Variants in ARID5B observed in about 807,000 individuals in gnomAD.
The protein encoded by ARID5B is AT-rich interactive domain-containing protein 5B.
ARID5B carries 13 observed loss-of-function variants against 97.2 expected under a neutral mutation model. That is an observed-to-expected ratio of 0.13 (90% CI 0.09 to 0.21). The LOEUF is 0.21. Ranked by LOEUF, ARID5B falls within the 10% of genes least tolerant of loss-of-function variation. The pLI, the probability that ARID5B is intolerant of heterozygous loss-of-function variation, is 1.00. For synonymous variants in ARID5B, 556 were observed against 570.3 expected, an observed-to-expected ratio of 0.97 and a Z score of 0.36; for missense variants, 1,210 against 1,465.3, an observed-to-expected ratio of 0.83 and a Z score of 2.84.
chr10:61,973,983 T>C (rs980557162), intron 3 of ARID5B, among the ~76,000 whole-genome samples: 3 of 152,222 alleles, frequency 2.0e-5, no homozygotes, highest in Non-Finnish European at 2.9e-5. Flanking sequence ...ACTTTTGCGA[T>C]GTATATACTG....
chr10:62,049,685 C>G (rs1329330394), intron 4 of ARID5B, among the ~76,000 whole-genome samples: 2 of 152,132 alleles, frequency 1.3e-5, no homozygotes, highest in Non-Finnish European at 2.9e-5. Flanking sequence ...TTCTGCTTTA[C>G]TGAGCTTCCA....
chr10:62,012,039 G>A (rs1486778345), intron 4 of ARID5B, among the ~76,000 whole-genome samples: 2 of 152,000 alleles, frequency 1.3e-5, no homozygotes, highest in Non-Finnish European at 2.9e-5. Flanking sequence ...CAGCTTATAT[G>A]TTTTTCAAAA....
intron 3 of ARID5B, among the ~76,000 whole-genome samples, chr10:61,947,709 A>G (rs1589230588): frequency 6.6e-6 from 1 of 152,208 alleles, no homozygotes; most frequent in East Asian, 1.9e-4. Context: ...TGGTAGAATG[A>G]GTGAGTAAAA....
intron 5 of ARID5B, among the ~76,000 whole-genome samples, chr10:62,054,093 T>G (rs1019567921): frequency 5.9e-5 from 9 of 152,232 alleles, no homozygotes; most frequent in African/African-American, 1.9e-4. Context: ...ATGTTGATTC[T>G]TTAATTAGCA....
At chr10:62,042,434 TC>T (rs1236000911) in intron 4 of ARID5B, among the ~76,000 whole-genome samples, 1 of 151,948 alleles carries the variant, frequency 6.6e-6, no homozygotes, top group Non-Finnish European at 1.5e-5. Context: ...ATTTTGAGAG[TC>T]CACTTTTGGT....
At chr10:62,088,622 A>G (rs1045999165) in intron 9 of ARID5B, among the ~76,000 whole-genome samples, 1 of 152,226 alleles carries the variant, frequency 6.6e-6, no homozygotes, top group Non-Finnish European at 1.5e-5. Context: ...GAGGTTATCT[A>G]AACCTCATGG....
intron 4 of ARID5B, among the ~76,000 whole-genome samples, chr10:62,035,586 G>A (rs1311916291): frequency 6.6e-6 from 1 of 152,094 alleles, no homozygotes; most frequent in African/African-American, 2.4e-5. Context: ...CACCTCATGG[G>A]TTTAAGTGAT....
intron 3 of ARID5B, among the ~76,000 whole-genome samples, chr10:61,994,298 G>A (rs1237959963): frequency 6.6e-6 from 1 of 151,978 alleles, no homozygotes; most frequent in African/African-American, 2.4e-5. Flanking sequence ...GTAGATTATA[G>A]TGGTTTTCAG....
chr10:61,942,538 T>A (rs1389023875), intron 3 of ARID5B, among the ~76,000 whole-genome samples: 1 of 152,226 alleles, frequency 6.6e-6, no homozygotes, highest in Admixed American at 6.5e-5. Context: ...ACGCCTGTAA[T>A]CCCAGCACTT....
chr10:62,083,593 A>G (rs1433932345), intron 8 of ARID5B, among the ~76,000 whole-genome samples: 6 of 152,176 alleles, frequency 3.9e-5, no homozygotes, highest in Admixed American at 3.9e-4. Context: ...CAGAAAATGA[A>G]GCTGGGGGAA....
chr10:62,086,942 G>T (rs1840293326), intron 9 of ARID5B, among the ~76,000 whole-genome samples: 2 of 152,106 alleles, frequency 1.3e-5, no homozygotes, highest in South Asian at 4.1e-4. Flanking sequence ...GAAAACTTTA[G>T]AGAAGTGTTT....
chr10:61,995,248 C>T (rs1838980410), intron 3 of ARID5B, among the ~76,000 whole-genome samples: 1 of 152,200 alleles, frequency 6.6e-6, no homozygotes, highest in Non-Finnish European at 1.5e-5. Context: ...TTAGATTTAT[C>T]TGCTTTCCCT....
At chr10:62,089,533 T>TC (rs1840339502) in intron 9 of ARID5B, among the ~76,000 whole-genome samples, 2 of 148,156 alleles carry the variant, frequency 1.3e-5, no homozygotes, top group Non-Finnish European at 1.5e-5. Context: ...TTTTTCTTTT[T>TC]TTTTTTTTTT....
At chr10:62,069,245 G>C (rs1453342328) in intron 7 of ARID5B, among the ~76,000 whole-genome samples, 1 of 152,130 alleles carries the variant, frequency 6.6e-6, no homozygotes, top group Non-Finnish European at 1.5e-5. Flanking sequence ...AAGCATGTTT[G>C]GTAAAAGACT....
At position 62,091,372 on chromosome 10, in the gene ARID5B, G is replaced by T. The variant is rs778262915; in HGVS notation, c.1909G>T (p.Asp637Tyr). Residue 637 changes from aspartate to tyrosine, a missense_variant, in exon 10 of 10, where the codon GAC becomes TAC. Around this residue, in one of 8 missense-constraint regions of ARID5B, gnomAD observed 800 missense variants for 839.1 expected, o/e 0.95. Coordinates refer to ENST00000279873, the MANE Select transcript of ARID5B (RefSeq NM_032199.3). The stretch of plus-strand genomic sequence containing the variant: ...GAAGGTGGACCAGCTGGGCAGTGAC[G>T]ACATCCACAATGCGCTCAAGCAGAC... ...TVKVDQLGSD[D>Y]IHNALKQTPK... 12 of 1,613,960 alleles carry T rather than the reference G, an allele frequency of 7.4e-6. No individual in the cohort carries two copies. Among genetic ancestry groups the T allele is most frequent in the Middle Eastern group, 1.6e-4 (1 of 6,084 alleles).
chr10:61,985,657 T>C (rs1838836699), intron 3 of ARID5B, among the ~76,000 whole-genome samples: 2 of 152,124 alleles, frequency 1.3e-5, no homozygotes, highest in Admixed American at 1.3e-4. Flanking sequence ...AACATTAAAT[T>C]ACATATATGT....
rs1843817773 is a variant in ARID5B, at chr10:61,912,228, C to A, written c.276+9815C>A. Among the ~76,000 whole-genome samples, 12 of 152,236 alleles carry A rather than the reference C, an allele frequency of 7.9e-5. No individual in the cohort carries two copies. The South Asian group carries it at 2.5e-3, about 32-fold the overall frequency. On this transcript the variant is annotated intron_variant, in intron 2 of 9. Coordinates refer to ENST00000279873, the MANE Select transcript of ARID5B (RefSeq NM_032199.3). ...TTTAAATTCACTAATACTGTGTATT[C>A]TTCTTAAGGGAGGAATATGTTTTTA...
At chr10:61,916,846 T>C (rs1030724405) in intron 2 of ARID5B, among the ~76,000 whole-genome samples, 1 of 152,182 alleles carries the variant, frequency 6.6e-6, no homozygotes, top group African/African-American at 2.4e-5. Flanking sequence ...CTTGAGGTCT[T>C]CCATTGACTG....
intron 5 of ARID5B, among the ~76,000 whole-genome samples, chr10:62,053,044 C>T (rs1216904343): frequency 6.6e-6 from 1 of 152,180 alleles, no homozygotes; most frequent in Non-Finnish European, 1.5e-5. Flanking sequence ...GATGTAAAAT[C>T]CCTACAGAAT....
Sources: allele counts gnomAD v4.1 joint callset (sites outside exome capture counted in the v4.1 genomes callset), GRCh38; gene constraint gnomAD v4.1.1; regional missense constraint gnomAD v4.1.1; transcripts MANE v1.5; gene names NCBI Gene and HGNC (gene_info 2026-07-23, HGNC 2026-07-21).